The following PTPN2 variants were observed in gnomAD, a reference collection of about 807,000 sequenced individuals.
PTPN2 encodes the protein protein tyrosine phosphatase non-receptor type 2, also known as tyrosine-protein phosphatase non-receptor type 2.
PTPN2 carries 19 observed loss-of-function variants against 57.3 expected under a neutral mutation model. The ratio of observed to expected loss-of-function variants is 0.33; its 90% CI spans 0.23 to 0.49. The LOEUF (loss-of-function observed/expected upper bound fraction) is 0.49. PTPN2 is among the 20% of genes least tolerant of loss of function. The probability of loss-of-function intolerance (pLI) is 0.99; values close to 1 mark genes in which losing one functional copy is unlikely to be tolerated. For missense variants in PTPN2, 358 were observed against 501.1 expected (o/e 0.71, Z 2.73); for synonymous variants, 153 against 164.9 (o/e 0.93, Z 0.55).
intron 3 of PTPN2, among the ~76,000 whole-genome samples, chr18:12,835,143 G>A (rs2042810509): frequency 6.6e-6 from 1 of 151,926 alleles, no homozygotes; most frequent in African/African-American, 2.4e-5. Flanking sequence ...TCAACTATAG[G>A]TATTTCAAAC....
chr18:12,858,736 G>C (rs186247413), intron 2 of PTPN2, among the ~76,000 whole-genome samples: 2 of 151,978 alleles, frequency 1.3e-5, no homozygotes, highest in Admixed American at 1.3e-4. Context: ...TGTTTTCTAA[G>C]TTTTCTACAG....
intron 8 of PTPN2, among the ~76,000 whole-genome samples, chr18:12,795,720 G>C (rs1392708680): frequency 6.6e-6 from 1 of 152,126 alleles, no homozygotes. Flanking sequence ...AGTCCAGCTT[G>C]TGCAATATAG....
chr18:12,866,784 C>T (rs1440226644), intron 1 of PTPN2, among the ~76,000 whole-genome samples: 1 of 152,076 alleles, frequency 6.6e-6, no homozygotes, highest in Non-Finnish European at 1.5e-5. Flanking sequence ...CGAGGCAAAT[C>T]ACGAGGTCAG....
chr18:12,877,355 A>C (rs1313560214), intron 1 of PTPN2, among the ~76,000 whole-genome samples: 3 of 152,192 alleles, frequency 2.0e-5, no homozygotes, highest in African/African-American at 4.8e-5. Context: ...GGAGCATTTA[A>C]CTTTGCCCAA....
intron 1 of PTPN2, chr18:12,862,089 C>G (rs953713628): frequency 1.3e-5 from 2 of 151,878 alleles, no homozygotes; most frequent in African/African-American, 4.8e-5. Context: ...CTTACAAGAA[C>G]CAATATTTCA....
At chr18:12,789,860 A>ATGTGTGTG (rs1555655091), downstream of PTPN2, among the ~76,000 whole-genome samples, 49 of 105,604 alleles carry the variant, frequency 4.6e-4, no homozygotes, top group Middle Eastern at 5.2e-3. Flanking sequence ...ATCTCTCTGT[A>ATGTGTGTG]TGTGTGTGTG....
At chr18:12,875,497 C>T (rs1165308712) in intron 1 of PTPN2, among the ~76,000 whole-genome samples, 1 of 149,050 alleles carries the variant, frequency 6.7e-6, no homozygotes, top group Admixed American at 6.6e-5. Flanking sequence ...TCACTCTTAT[C>T]CAAAGTAAGG....
chr18:12,842,088 C>T (rs146387247), intron 2 of PTPN2, among the ~76,000 whole-genome samples: 3,457 of 152,110 alleles, frequency 0.023, 132 homozygotes, highest in African/African-American at 0.08. Flanking sequence ...GTATTTTTAG[C>T]AGAGACGGGG....
At chr18:12,868,553 T>C (rs1158436379) in intron 1 of PTPN2, among the ~76,000 whole-genome samples, 2 of 148,222 alleles carry the variant, frequency 1.3e-5, no homozygotes, top group African/African-American at 5.0e-5. Flanking sequence ...ATCACCTTCA[T>C]TTGTCATAGT....
intron 1 of PTPN2, chr18:12,883,753 G>C: frequency 8.0e-6 from 2 of 249,458 alleles, no homozygotes; most frequent in Admixed American, 1.1e-4. Flanking sequence ...AGGACCCCCA[G>C]ACCCGGGCCG....
downstream of PTPN2, among the ~76,000 whole-genome samples, chr18:12,790,360 T>C (rs1247135247): frequency 1.3e-5 from 2 of 152,194 alleles, no homozygotes; most frequent in African/African-American, 2.4e-5. Context: ...AAAACACTTT[T>C]AATACCACCA....
At position 12,801,970 on chromosome 18, in the gene PTPN2, C is replaced by T; in HGVS notation, c.1040G>A (p.Ser347Asn). ...CAGCCTGTAGTTATAGAAAGCTTAC[C>T]TCTCACTGTTCTCCTCCATTGTATC... is the stretch of plus-strand genomic sequence containing the variant. The part of the protein sequence containing the change: ...MQDTMEENSE[S>N]ALRKRIREDR... Residue 347 changes from serine to asparagine, a missense_variant and splice_region_variant, in exon 8 of 9, where the codon AGT becomes AAT. Ser to Asn is a conservative substitution (Grantham distance 46, BLOSUM62 1). Transcript: ENST00000309660. The T allele has an allele frequency of 6.3e-7, 1 of 1,588,928 alleles. No homozygotes were observed. The highest frequency in any genetic ancestry group is 1.8e-5 in the Admixed American group (1 of 55,082).
rs1568074548 is a variant in PTPN2, at chr18:12,794,288, T to C, written c.1238A>G (p.Asn413Ser). Residue 413 changes from asparagine to serine, a missense_variant, in exon 9 of 9, where the codon AAT (asparagine) becomes AGT (serine). Physicochemically the swap from Asn to Ser is conservative, Grantham distance 46. Transcript: ENST00000309660. ...GGCAAAATTAATTGTTTATAGGGCA[T>C]TTTGCTGAAAAAACAGTGTCCAGCC... ...FVGWTLFFQQNAL is the reference protein window; with the variant it reads ...FVGWTLFFQQSAL 1 of 1,614,202 alleles carries C rather than the reference T, an allele frequency of 6.2e-7. No individual in the cohort carries two copies. Among genetic ancestry groups the C allele is most frequent in the Admixed American group, 1.7e-5 (1 of 60,018 alleles).
At position 12,794,281 on chromosome 18, in the gene PTPN2, T is replaced by C. The variant is rs532631431; in HGVS notation, c.1245A>G (p.Leu415=). ...CTTGCTGGGCAAAATTAATTGTTTA[T>C]AGGGCATTTTGCTGAAAAAACAGTG... ...GWTLFFQQNA[L] Residue 415 remains leucine (L), a synonymous_variant, in exon 9 of 9, where the codon CTA becomes CTG. Transcript: ENST00000309660. The C allele has an allele frequency of 6.2e-6, 10 of 1,614,212 alleles. No homozygotes were observed. In the East Asian group the frequency reaches 1.6e-4, roughly 25 times the overall value.
chr18:12,874,618 C>A (rs1216586283), intron 1 of PTPN2, among the ~76,000 whole-genome samples: 2 of 138,072 alleles, frequency 1.4e-5, no homozygotes, highest in African/African-American at 5.5e-5. Context: ...CCAGCCGCCC[C>A]GTCCGGGAGG....
intron 3 of PTPN2, among the ~76,000 whole-genome samples, chr18:12,834,903 C>T (rs2042799872): frequency 1.3e-5 from 2 of 152,036 alleles, no homozygotes; most frequent in Non-Finnish European, 1.5e-5. Context: ...TCAATATACA[C>T]AAGGGACTGG....
intron 8 of PTPN2, among the ~76,000 whole-genome samples, chr18:12,800,084 A>G (rs1198019429): frequency 2.6e-5 from 4 of 152,168 alleles, no homozygotes; most frequent in Non-Finnish European, 5.9e-5. Context: ...CACCGCCACC[A>G]CATGCGAAAA....
Position 12,829,135 on chromosome 18 carries a change from C to A in PTPN2, c.360+1808G>T, listed in dbSNP as rs138739629. ...CTGGTCTCAAACTCCTGGGCTCAAG[C>A]GATCCACCCAACTCAGCTCCCCAAA... is the stretch of plus-strand genomic sequence containing the variant. On this transcript the variant is annotated intron_variant, in intron 4 of 8. Coordinates refer to ENST00000309660, the MANE Select transcript of PTPN2 (RefSeq NM_002828.4). Among the ~76,000 whole-genome samples the A allele has an allele frequency of 5.4e-3, 827 of 152,170 alleles. 18 individuals carry two copies. In the East Asian group the frequency reaches 0.059, roughly 11 times the overall value.
At position 12,830,981 on chromosome 18, in the gene PTPN2, C is replaced by A. The variant is rs1413571843; in HGVS notation, c.322G>T (p.Ala108Ser). The A allele has an allele frequency of 5.6e-6, 9 of 1,610,612 alleles. No homozygotes were observed. Among genetic ancestry groups the A allele is most frequent in the Non-Finnish European group, 7.6e-6 (9 of 1,177,068 alleles). ...WLMVWQQKTK[A>S]VVMLNRIVEK... The stretch of plus-strand genomic sequence containing the variant: ...ACAATGCGGTTCAGCATGACAACTG[C>A]TTTGGTCTTCTGCTGCCAAACCATA... The change falls in exon 4 of 9, where the codon GCA (alanine) becomes TCA (serine). Residue 108 changes from alanine to serine, a missense_variant. Ala to Ser is a moderately conservative substitution (Grantham distance 99, BLOSUM62 1). This residue lies in a region of PTPN2 where 193 missense variants were observed against 315.4 expected (regional missense o/e 0.61). Coordinates refer to ENST00000309660, the MANE Select transcript of PTPN2 (RefSeq NM_002828.4).
Sources: gnomAD v4.1 joint callset for allele counts (sites outside exome capture counted in the v4.1 genomes callset) on GRCh38, gnomAD v4.1.1 for gene constraint, gnomAD v4.1.1 regional missense constraint, MANE v1.5 for transcripts, NCBI Gene and HGNC (gene_info 2026-07-23, HGNC 2026-07-21) for gene names.